FAM171A1: variants seen among roughly 807,000 people sequenced by gnomAD.
FAM171A1 encodes the protein protein FAM171A1.
FAM171A1 carries 23 observed loss-of-function variants against 74.9 expected under a neutral mutation model. That is an observed-to-expected ratio of 0.31 (90% CI 0.22 to 0.44). The LOEUF (loss-of-function observed/expected upper bound fraction) is 0.44, where lower values mean the gene tolerates loss of function less well. Among genes scored for constraint, FAM171A1 ranks in the 20% least tolerant of loss-of-function variants. The pLI is 1.00. For synonymous variants in FAM171A1, 527 were observed against 505.7 expected (o/e 1.04, Z -0.57); for missense variants, 1,162 against 1,159.2 (o/e 1.00, Z -0.03).
chr10:15,275,844 A>G lies in FAM171A1; in HGVS notation c.418+11T>C, dbSNP rs1564630349. ...AATAACAATAAAAACTGAAAAAAAT[A>G]TTAAATATACCTTGGAATCCTGATA... On this transcript the variant is annotated intron_variant, in intron 3 of 7. Transcript: ENST00000378116. 6.4e-7 allele frequency: 1 copy of G among 1,562,180 alleles called. No individual in the cohort carries two copies. Among genetic ancestry groups the G allele is most frequent in the Non-Finnish European group, 8.8e-7 (1 of 1,142,542 alleles).
intron 4 of FAM171A1, among the ~76,000 whole-genome samples, chr10:15,253,160 C>T (rs1160556032): frequency 1.3e-5 from 2 of 152,110 alleles, no homozygotes; most frequent in African/African-American, 2.4e-5. Flanking sequence ...CCTGCCACCA[C>T]ACCCAGCTAA....
At chr10:15,369,303 A>G (rs979038524) in intron 1 of FAM171A1, among the ~76,000 whole-genome samples, 5 of 150,716 alleles carry the variant, frequency 3.3e-5, no homozygotes, top group Non-Finnish European at 5.9e-5. Flanking sequence ...TGGTATTTCA[A>G]GTGCAAAAGG....
At chr10:15,319,927 A>C (rs1187900434) in intron 1 of FAM171A1, among the ~76,000 whole-genome samples, 2 of 152,224 alleles carry the variant, frequency 1.3e-5, no homozygotes, top group Non-Finnish European at 2.9e-5. Context: ...ATAATATAAA[A>C]TATTCAAAAA....
At chr10:15,237,870 ATTTC>A (rs1357841317) in intron 5 of FAM171A1, among the ~76,000 whole-genome samples, 6 of 152,072 alleles carry the variant, frequency 3.9e-5, no homozygotes, top group Middle Eastern at 3.4e-3. Context: ...CCTGAGAGTT[ATTTC>A]TTTATTTCTA....
At position 15,244,190 on chromosome 10, in the gene FAM171A1, T is replaced by TA. The variant is rs570537565; in HGVS notation, c.754+4448dup. On this transcript the variant is annotated intron_variant, in intron 5 of 7. Coordinates refer to ENST00000378116, the MANE Select transcript of FAM171A1 (RefSeq NM_001010924.2). ...CAACATAGTGAAACCCCATCTTTAC[T>TA]AAAAAAATACAAAAATTAGCCTGGG... 5.9e-5 allele frequency among the ~76,000 whole-genome samples: 9 copies of TA among 152,120 alleles called. 1 individual carries two copies. In the East Asian group the frequency reaches 1.2e-3, roughly 20 times the overall value.
intron 4 of FAM171A1, among the ~76,000 whole-genome samples, chr10:15,252,226 A>G (rs1834518455): frequency 6.6e-6 from 1 of 152,180 alleles, no homozygotes; most frequent in Non-Finnish European, 1.5e-5. Flanking sequence ...CCCAAGAGCT[A>G]GAAAGAGAAG....
intron 5 of FAM171A1, among the ~76,000 whole-genome samples, chr10:15,228,710 A>G (rs1175055983): frequency 6.6e-6 from 1 of 152,174 alleles, no homozygotes; most frequent in Non-Finnish European, 1.5e-5. Context: ...GCAGATAAAC[A>G]CCCAGCAGCA....
intron 1 of FAM171A1, among the ~76,000 whole-genome samples, chr10:15,302,030 A>T (rs1835235937): frequency 6.6e-6 from 1 of 152,184 alleles, no homozygotes; most frequent in South Asian, 2.1e-4. Context: ...GGTTTAATGA[A>T]GTGGGTTTTC....
At chr10:15,338,222 T>C (rs953010723) in intron 1 of FAM171A1, among the ~76,000 whole-genome samples, 1 of 152,230 alleles carries the variant, frequency 6.6e-6, no homozygotes, top group African/African-American at 2.4e-5. Flanking sequence ...AGTTCTATAA[T>C]CTTAACACTG....
intron 1 of FAM171A1, among the ~76,000 whole-genome samples, chr10:15,296,545 A>G (rs1033425034): frequency 6.6e-6 from 1 of 152,188 alleles, no homozygotes; most frequent in Non-Finnish European, 1.5e-5. Context: ...GACCAAGACT[A>G]CTGTCATCCA....
intron 3 of FAM171A1, among the ~76,000 whole-genome samples, chr10:15,259,880 C>T (rs1375259215): frequency 1.3e-5 from 2 of 151,766 alleles, no homozygotes; most frequent in African/African-American, 4.8e-5. Flanking sequence ...GGCTGGAGTA[C>T]AATGATGCCA....
At chr10:15,374,296 C>G (rs1836179652), upstream of FAM171A1, among the ~76,000 whole-genome samples, 1 of 152,190 alleles carries the variant, frequency 6.6e-6, no homozygotes, top group East Asian at 1.9e-4. Flanking sequence ...GTACATTCTG[C>G]AGGCCAGTCT....
At chr10:15,274,115 T>G (rs547145084) in intron 3 of FAM171A1, among the ~76,000 whole-genome samples, 2 of 152,356 alleles carry the variant, frequency 1.3e-5, no homozygotes, top group South Asian at 4.1e-4. Flanking sequence ...GCAGATGACA[T>G]GATTGTATAC....
chr10:15,351,841 C>G (rs1835883988), intron 1 of FAM171A1, among the ~76,000 whole-genome samples: 1 of 152,026 alleles, frequency 6.6e-6, no homozygotes, highest in South Asian at 2.1e-4. Context: ...TCCCTTGAGC[C>G]TGGGAGTTCA....
At chr10:15,238,243 A>T (rs1834320047) in intron 5 of FAM171A1, among the ~76,000 whole-genome samples, 1 of 152,228 alleles carries the variant, frequency 6.6e-6, no homozygotes. Context: ...AGATAAGCTA[A>T]TATTGTAATA....
chr10:15,213,626 C>G lies in FAM171A1; in HGVS notation c.1962G>C (p.Arg654=), dbSNP rs941239156. ...SQQHLQDAGT[R]EWSPQNASMS... is the part of the protein sequence containing the mutation. ...TGGATGCGTTCTGAGGGCTCCACTC[C>G]CGGGTGCCCGCATCCTGCAGGTGCT... Residue 654 remains arginine (R), a synonymous_variant, in exon 8 of 8, where the codon CGG becomes CGC. Transcript: ENST00000378116. The surrounding 1 kb of genome is among the most constrained non-coding windows in gnomAD (Gnocchi z 6.8). The G allele has an allele frequency of 6.2e-7, 1 of 1,614,138 alleles. No individual in the cohort carries two copies. The highest frequency in any genetic ancestry group is 2.2e-5 in the East Asian group (1 of 44,864).
chr10:15,353,863 A>AG (rs1332561347), intron 1 of FAM171A1, among the ~76,000 whole-genome samples: 11 of 152,200 alleles, frequency 7.2e-5, no homozygotes, highest in Admixed American at 6.5e-4. Context: ...AAGTAAAGGG[A>AG]GGGACCTGAC....
intron 1 of FAM171A1, among the ~76,000 whole-genome samples, chr10:15,295,428 C>T (rs1835150363): frequency 6.6e-6 from 1 of 152,212 alleles, no homozygotes; most frequent in South Asian, 2.1e-4. Flanking sequence ...CTGCTTTCTG[C>T]ACAGTCTGCC....
rs542165146 is a variant in FAM171A1, at chr10:15,218,158, C to A, written c.872-2048G>T. Among the ~76,000 whole-genome samples, 140 of 151,546 alleles carry A rather than the reference C, an allele frequency of 9.2e-4. 1 individual carries two copies. Among genetic ancestry groups the A allele is most frequent in the African/African-American group, 3.2e-3 (134 of 41,364 alleles). On this transcript the variant is annotated intron_variant, in intron 6 of 7. Transcript: ENST00000378116. Reference sequence around the variant, plus strand: ...GCAGTGGCACGATCTGGGCTCACTGCAACCTCTGCCTCCCAGGTTCGGATA... The same window carrying A: ...GCAGTGGCACGATCTGGGCTCACTGAAACCTCTGCCTCCCAGGTTCGGATA...
Sources: gnomAD v4.1 joint callset for allele counts (sites outside exome capture counted in the v4.1 genomes callset) on GRCh38, gnomAD v4.1.1 for gene constraint, Gnocchi (gnomAD v3.1) non-coding constraint, MANE v1.5 for transcripts, NCBI Gene and HGNC (gene_info 2026-07-23, HGNC 2026-07-21) for gene names.